The following PTPN4 variants were observed in gnomAD, a reference collection of about 807,000 sequenced individuals.
PTPN4 encodes protein tyrosine phosphatase non-receptor type 4.
PTPN4 carries 49 observed loss-of-function variants against 135.5 expected under a neutral mutation model. The ratio of observed to expected loss-of-function variants is 0.36; its 90% CI spans 0.29 to 0.46. The LOEUF is 0.46. PTPN4 is among the 20% of genes least tolerant of loss of function. The pLI is 1.00. For synonymous variants in PTPN4, 333 were observed against 369.9 expected, an observed-to-expected ratio of 0.90 and a Z score of 1.14; for missense variants, 860 against 1,101.0, an observed-to-expected ratio of 0.78 and a Z score of 3.10.
Position 119,932,500 on chromosome 2 carries a change from T to A in PTPN4, c.1147T>A (p.Leu383Ile). The change falls in exon 14 of 27, where the codon TTA (leucine) becomes ATA (isoleucine). Residue 383 changes from leucine to isoleucine, a missense_variant. By Grantham distance (5) the Leu-to-Ile change is conservative. Around this residue, in one of 2 missense-constraint regions of PTPN4, gnomAD observed 684 missense variants for 807.0 expected, o/e 0.85. Coordinates refer to ENST00000263708, the MANE Select transcript of PTPN4 (RefSeq NM_002830.4). ...CAGAAATTCAATATCTGATGACAGG[T>A]TAGAAACACAAAGTCTTCCATCACG... ...VSRNSISDDRLETQSLPSRSP... is the reference protein window; with the variant it reads ...VSRNSISDDRIETQSLPSRSP... 6.2e-7 allele frequency: 1 copy of A among 1,612,226 alleles called. No homozygotes were observed. The highest frequency in any genetic ancestry group is 8.5e-7 in the Non-Finnish European group (1 of 1,178,580).
chr2:119,921,315 C>T (rs886996318), intron 12 of PTPN4, among the ~76,000 whole-genome samples: 18 of 151,932 alleles, frequency 1.2e-4, no homozygotes, highest in African/African-American at 4.1e-4. Flanking sequence ...AATGAAAAAC[C>T]CTTGACCATT....
intron 1 of PTPN4, among the ~76,000 whole-genome samples, chr2:119,772,336 T>C (rs1006584649): frequency 6.6e-6 from 1 of 152,236 alleles, no homozygotes; most frequent in Non-Finnish European, 1.5e-5. Flanking sequence ...GCTTTTGATC[T>C]GTGTTATCAT....
chr2:119,955,007 C>A lies in PTPN4; in HGVS notation c.1814-150C>A, dbSNP rs200883994. 5.4e-5 allele frequency: 36 copies of A among 660,848 alleles called. No homozygotes were observed. The East Asian group carries it at 1.1e-3, about 20-fold the overall frequency. The allele number at this position is 660,848 out of a possible 1,614,324, so 40.9% of individuals were successfully genotyped here. ...ACTCCACAACTAGTTTCTGTCCCCCCATAGTGACACCAGACTCAGATCTGG... is the reference window on the plus strand; with the variant it reads ...ACTCCACAACTAGTTTCTGTCCCCCAATAGTGACACCAGACTCAGATCTGG... On this transcript the variant is annotated intron_variant, in intron 19 of 26. Coordinates refer to ENST00000263708, the MANE Select transcript of PTPN4 (RefSeq NM_002830.4).
chr2:119,825,724 G>C (rs1349415427), intron 2 of PTPN4, among the ~76,000 whole-genome samples: 1 of 152,038 alleles, frequency 6.6e-6, no homozygotes, highest in Non-Finnish European at 1.5e-5. Flanking sequence ...TCGAACTCCT[G>C]ACCTCAAGAG....
Position 119,965,489 on chromosome 2 carries a change from G to A in PTPN4, c.2410-8G>A. 6.3e-7 allele frequency: 1 copy of A among 1,596,766 alleles called. No homozygotes were observed. Among genetic ancestry groups the A allele is most frequent in the East Asian group, 2.2e-5 (1 of 44,748 alleles). Reference sequence around the variant, plus strand: ...AGTCAAGGTGCATAATTTTTCATTTGTTCTTAGAAAAATGAAAGTCGTCCA... The same window carrying A: ...AGTCAAGGTGCATAATTTTTCATTTATTCTTAGAAAAATGAAAGTCGTCCA... On this transcript the variant is annotated splice_region_variant and splice_polypyrimidine_tract_variant and intron_variant, in intron 24 of 26. Transcript: ENST00000263708.
At chr2:119,826,880 T>C (rs890468539) in intron 2 of PTPN4, among the ~76,000 whole-genome samples, 2 of 151,984 alleles carry the variant, frequency 1.3e-5, no homozygotes, top group African/African-American at 4.8e-5. Flanking sequence ...AAAAATAAAA[T>C]TAGTCAGGCA....
intron 2 of PTPN4, among the ~76,000 whole-genome samples, chr2:119,845,276 GAGA>G: frequency 7.6e-6 from 1 of 132,116 alleles, no homozygotes; most frequent in Non-Finnish European, 1.7e-5. Context: ...GAGGGAGAGG[GAGA>G]GGGAGAGGGA....
chr2:119,964,414 C>G (rs1156690883), intron 24 of PTPN4, among the ~76,000 whole-genome samples: 1 of 152,184 alleles, frequency 6.6e-6, no homozygotes, highest in Non-Finnish European at 1.5e-5. Flanking sequence ...ATTAATCCCA[C>G]TGATTTGACT....
At chr2:119,913,678 C>T (rs950135628) in intron 10 of PTPN4, among the ~76,000 whole-genome samples, 3 of 152,008 alleles carry the variant, frequency 2.0e-5, no homozygotes, top group Non-Finnish European at 2.9e-5. Context: ...AATGTAAAGT[C>T]ATTGTAAAAC....
intron 10 of PTPN4, among the ~76,000 whole-genome samples, chr2:119,911,661 A>G (rs552294036): frequency 1.3e-5 from 2 of 152,260 alleles, no homozygotes; most frequent in African/African-American, 4.8e-5. Context: ...AAAAAAAGAA[A>G]AAGGAAAAAG....
chr2:119,882,626 A>G lies in PTPN4; in HGVS notation c.587+3A>G. ...GCAAAATTACATCAGCAACACATGT[A>G]AGAGTTTTTTAGTTTTTTATTTGAT... On this transcript the variant is annotated splice_donor_region_variant and intron_variant, in intron 8 of 26. Transcript: ENST00000263708. 2 of 1,511,644 alleles carry G rather than the reference A, an allele frequency of 1.3e-6. No homozygotes were observed. The highest frequency in any genetic ancestry group is 1.8e-6 in the Non-Finnish European group (2 of 1,116,612). The allele number at this position is 1,511,644 out of a possible 1,614,324, so 93.6% of individuals were successfully genotyped here.
intron 2 of PTPN4, among the ~76,000 whole-genome samples, chr2:119,821,942 G>A (rs539130684): frequency 1.2e-3 from 181 of 151,960 alleles, no homozygotes; most frequent in Non-Finnish European, 2.4e-3. Context: ...TATGTATGAC[G>A]TATTGTTTGT....
At chr2:119,783,921 C>A (rs1336987452) in intron 1 of PTPN4, among the ~76,000 whole-genome samples, 1 of 152,128 alleles carries the variant, frequency 6.6e-6, no homozygotes, top group South Asian at 2.1e-4. Context: ...TTGGCAATGG[C>A]TGGGGGTTGG....
intron 9 of PTPN4, among the ~76,000 whole-genome samples, chr2:119,894,568 A>G (rs1243590944): frequency 6.6e-6 from 1 of 152,254 alleles, no homozygotes; most frequent in Admixed American, 6.5e-5. Flanking sequence ...TAATGAATGT[A>G]TAAGCCTTTA....
At chr2:119,841,815 CATT>C (rs1297609638) in intron 2 of PTPN4, among the ~76,000 whole-genome samples, 4 of 152,146 alleles carry the variant, frequency 2.6e-5, no homozygotes, top group Middle Eastern at 3.4e-3. Flanking sequence ...GGAAAAATAA[CATT>C]ATTGATTGAA....
At chr2:119,809,750 G>C in intron 1 of PTPN4, 87 bp from the exon 2 acceptor site, 1 of 1,166,806 alleles carries the variant, frequency 8.6e-7, no homozygotes, top group East Asian at 2.6e-5. Flanking sequence ...AGTTTTAATT[G>C]AGAAATATAT....
At chr2:119,761,598 C>T (rs1690501949) in intron 1 of PTPN4, among the ~76,000 whole-genome samples, 1 of 152,182 alleles carries the variant, frequency 6.6e-6, no homozygotes, top group East Asian at 1.9e-4. Context: ...TAAATTTATG[C>T]TCCAATTACC....
At chr2:119,913,919 T>A (rs528485800) in intron 10 of PTPN4, among the ~76,000 whole-genome samples, 4 of 152,308 alleles carry the variant, frequency 2.6e-5, no homozygotes, top group Non-Finnish European at 5.9e-5. Flanking sequence ...GAAAGATTTT[T>A]AATTTATACA....
chr2:119,837,104 G>T (rs1677306241), intron 2 of PTPN4, among the ~76,000 whole-genome samples: 1 of 152,228 alleles, frequency 6.6e-6, no homozygotes, highest in African/African-American at 2.4e-5. Flanking sequence ...TGAGTCCACA[G>T]CCTGGAGGGG....
Sources: gnomAD v4.1 joint callset for allele counts (sites outside exome capture counted in the v4.1 genomes callset) on GRCh38, gnomAD v4.1.1 for gene constraint, gnomAD v4.1.1 regional missense constraint, MANE v1.5 for transcripts, NCBI Gene and HGNC (gene_info 2026-07-23, HGNC 2026-07-21) for gene names.